The following WWP1 variants were observed in gnomAD, a reference collection of about 807,000 sequenced individuals.
WWP1 encodes WW domain containing E3 ubiquitin protein ligase 1.
A neutral mutation model predicts 130.6 loss-of-function variants in WWP1; 49 were observed. That is an observed-to-expected ratio of 0.38 (90% CI 0.30 to 0.48). The LOEUF is 0.48. Among genes scored for constraint, WWP1 ranks in the 20% least tolerant of loss-of-function variants. WWP1 has a pLI of 0.99. For synonymous variants in WWP1, 332 were observed against 367.8 expected (o/e 0.90, Z 1.11); for missense variants, 809 against 1,100.6 (o/e 0.74, Z 3.75).
In WWP1 at chr8:86,468,278, C is replaced by A; in HGVS notation, c.*1385C>A. The A allele has an allele frequency of 2.5e-6, 1 of 395,944 alleles. No homozygotes were observed. The highest frequency in any genetic ancestry group is 1.9e-5 in the South Asian group (1 of 52,434). The allele number at this position is 395,944 out of a possible 1,614,324, so 24.5% of individuals were successfully genotyped here. A position where few individuals can be genotyped will look rare whatever the true frequency, so the allele number is the denominator to read the frequency against. On this transcript the variant is annotated 3_prime_UTR_variant, in exon 25 of 25. Coordinates refer to ENST00000517970, the MANE Select transcript of WWP1 (RefSeq NM_007013.4). ...AGAAAAACAGTAATTATTGTTTTGC[C>A]AAAATTTTATTTTTCTACATATTGA...
At chr8:86,343,402 TCACCGACTCTG>T (rs1428754138) in intron 1 of WWP1, 1 of 152,120 alleles carries the variant, frequency 6.6e-6, no homozygotes, top group East Asian at 1.9e-4. Flanking sequence ...TCTCCGTTCT[TCACCGACTCTG>T]CAGCTCCCCA....
intron 9 of WWP1, among the ~76,000 whole-genome samples, chr8:86,412,132 G>C (rs1808620443): frequency 1.3e-5 from 2 of 152,128 alleles, no homozygotes; most frequent in African/African-American, 2.4e-5. Context: ...CTCTTAATTT[G>C]ATTCTTGGTT....
At chr8:86,424,060 C>G (rs560193764) in intron 9 of WWP1, among the ~76,000 whole-genome samples, 4 of 150,564 alleles carry the variant, frequency 2.7e-5, no homozygotes, top group African/African-American at 9.8e-5. Flanking sequence ...GGGCGGCTGC[C>G]GGGCGGAGGG....
At chr8:86,353,294 G>C (rs568259268) in intron 1 of WWP1, among the ~76,000 whole-genome samples, 1 of 152,266 alleles carries the variant, frequency 6.6e-6, no homozygotes, top group African/African-American at 2.4e-5. Flanking sequence ...TCAGTCCTGT[G>C]ACCAGCAGGA....
At chr8:86,360,048 CA>C in intron 1 of WWP1, among the ~76,000 whole-genome samples, 1 of 146,232 alleles carries the variant, frequency 6.8e-6, no homozygotes, top group Non-Finnish European at 1.5e-5. Context: ...GACTCCCTCT[CA>C]AAAACAAAAA....
At chr8:86,427,302 A>G (rs1391377050) in intron 10 of WWP1, among the ~76,000 whole-genome samples, 1 of 152,110 alleles carries the variant, frequency 6.6e-6, no homozygotes, top group African/African-American at 2.4e-5. Context: ...AACCTAGATG[A>G]TGTGTTGATA....
chr8:86,450,049 G>A (rs1563544788), intron 20 of WWP1, among the ~76,000 whole-genome samples: 1 of 152,178 alleles, frequency 6.6e-6, no homozygotes, highest in Non-Finnish European at 1.5e-5. Context: ...TTTAAAAAGT[G>A]AAGTTACTGG....
intron 10 of WWP1, among the ~76,000 whole-genome samples, chr8:86,426,955 G>A (rs1258152282): frequency 6.6e-6 from 1 of 152,090 alleles, no homozygotes; most frequent in Non-Finnish European, 1.5e-5. Context: ...GAGGTCAGGA[G>A]TTCGAGACCA....
chr8:86,385,349 C>T (rs1825219102), intron 5 of WWP1, among the ~76,000 whole-genome samples: 1 of 152,044 alleles, frequency 6.6e-6, no homozygotes. Context: ...AAAGAGGAAT[C>T]TCCTGAGAGG....
Position 86,380,853 on chromosome 8 carries a change from A to G in WWP1, c.198A>G (p.Glu66=), listed in dbSNP as rs1462708148. 6.2e-7 allele frequency: 1 copy of G among 1,611,836 alleles called. No individual in the cohort carries two copies. Among genetic ancestry groups the G allele is most frequent in the Admixed American group, 1.7e-5 (1 of 59,756 alleles). Residue 66 remains glutamate, a synonymous_variant, in exon 4 of 25, where the codon GAA becomes GAG. Coordinates refer to ENST00000517970, the MANE Select transcript of WWP1 (RefSeq NM_007013.4). The part of the protein sequence containing the change: ...SSSSSNPKWD[E]QLTVNVTPQT... ...GTTCTTCTAATCCAAAATGGGATGA[A>G]CAGCTAACTGTGTAAGTACCTTGTG...
intron 5 of WWP1, among the ~76,000 whole-genome samples, chr8:86,391,673 A>C (rs1482555557): frequency 4.0e-5 from 6 of 151,666 alleles, no homozygotes; most frequent in Admixed American, 3.9e-4. Context: ...GTCTTTTAAA[A>C]GGAGAATGAA....
chr8:86,417,526 T>C (rs1808956606), intron 9 of WWP1, among the ~76,000 whole-genome samples: 1 of 152,198 alleles, frequency 6.6e-6, no homozygotes, highest in Admixed American at 6.5e-5. Flanking sequence ...ACAAACACAC[T>C]GAAATCTGGA....
At chr8:86,429,906 C>T (rs10092168) in intron 11 of WWP1, among the ~76,000 whole-genome samples, 52,538 of 151,978 alleles carry the variant, frequency 0.35, 10,587 homozygotes, top group African/African-American at 0.55. Context: ...ATTTTATGAA[C>T]TTAGTGTCTT....
At chr8:86,347,531 C>T (rs1003019849) in intron 1 of WWP1, among the ~76,000 whole-genome samples, 1 of 152,042 alleles carries the variant, frequency 6.6e-6, no homozygotes, top group Non-Finnish European at 1.5e-5. Flanking sequence ...ACTTTTGTAC[C>T]GTGTAGAGGT....
chr8:86,454,867 C>T (rs10093238), intron 21 of WWP1, among the ~76,000 whole-genome samples: 95,007 of 151,844 alleles, frequency 0.63, 30,543 homozygotes, highest in African/African-American at 0.76. Context: ...ATTATTTGCC[C>T]TGAGCTAATC....
At chr8:86,354,249 T>C (rs192762256) in intron 1 of WWP1, among the ~76,000 whole-genome samples, 126 of 152,360 alleles carry the variant, frequency 8.3e-4, no homozygotes, top group Non-Finnish European at 1.4e-3. Flanking sequence ...TACCTTCTCA[T>C]TGATGTCAGA....
chr8:86,381,140 T>A (rs1284891769), intron 4 of WWP1, among the ~76,000 whole-genome samples: 1 of 152,150 alleles, frequency 6.6e-6, no homozygotes, highest in African/African-American at 2.4e-5. Flanking sequence ...ATTCTTAATT[T>A]TGGCATTTCA....
At chr8:86,440,874 C>T (rs973640445) in intron 17 of WWP1, 13 of 249,010 alleles carry the variant, frequency 5.2e-5, no homozygotes, top group African/African-American at 3.0e-4. Context: ...CTACGTTTTG[C>T]TGCTTCTAAT....
intron 1 of WWP1, among the ~76,000 whole-genome samples, chr8:86,357,889 G>A (rs1035759184): frequency 6.6e-6 from 1 of 152,172 alleles, no homozygotes; most frequent in African/African-American, 2.4e-5. Context: ...CAATTTGGCT[G>A]TTACAGTACC....
Sources: allele counts gnomAD v4.1 joint callset (sites outside exome capture counted in the v4.1 genomes callset), GRCh38; gene constraint gnomAD v4.1.1; transcripts MANE v1.5; gene names NCBI Gene and HGNC (gene_info 2026-07-23, HGNC 2026-07-21).